The following MYOM1 variants were observed in gnomAD, a reference collection of about 807,000 sequenced individuals.
MYOM1 encodes the protein myomesin 1, also known as myomesin-1.
A neutral mutation model predicts 205.3 loss-of-function variants in MYOM1; 164 were observed. That is an observed-to-expected ratio of 0.80 (90% CI 0.70 to 0.91). MYOM1 has a LOEUF of 0.91. Among genes scored for constraint, MYOM1 ranks in the 40% least tolerant of loss-of-function variants. MYOM1 has a pLI of 0.00. For synonymous variants in MYOM1, 772 were observed against 789.4 expected (o/e 0.98, Z 0.37); for missense variants, 2,011 against 2,127.3 (o/e 0.95, Z 1.08).
At chr18:3,239,981 T>C in the MYOM1 span, among the ~76,000 whole-genome samples, 3 of 152,156 alleles carry the variant, frequency 2.0e-5, no homozygotes, top group Non-Finnish European at 4.4e-5. Context: ...TTGTGCTTTA[T>C]CCTCACAACC....
the MYOM1 span, among the ~76,000 whole-genome samples, chr18:3,236,244 T>C: frequency 6.6e-6 from 1 of 152,228 alleles, no homozygotes; most frequent in South Asian, 2.1e-4. Flanking sequence ...CTATCTGCTA[T>C]GTGGAGAACA....
At chr18:3,231,393 G>T in the MYOM1 span, among the ~76,000 whole-genome samples, 1 of 152,096 alleles carries the variant, frequency 6.6e-6, no homozygotes, top group Non-Finnish European at 1.5e-5. Context: ...CAAAACAAAT[G>T]GGCTTAAAGA....
At chr18:3,233,514 T>C in the MYOM1 span, among the ~76,000 whole-genome samples, 1 of 152,184 alleles carries the variant, frequency 6.6e-6, no homozygotes, top group Non-Finnish European at 1.5e-5. Flanking sequence ...GGCAGGACAC[T>C]GAATAATAGA....
At chr18:3,172,844 G>A (rs2080581406) in intron 8 of MYOM1, among the ~76,000 whole-genome samples, 1 of 152,158 alleles carries the variant, frequency 6.6e-6, no homozygotes, top group Admixed American at 6.5e-5. Context: ...ATCAAGAGAT[G>A]GGAGAAGAAC....
In MYOM1 at chr18:3,113,228, GTA is replaced by G. The variant is rs1331541570; in HGVS notation, c.3304-818_3304-817del. Reference sequence around the variant, plus strand: ...CACATGTATATATATATACACACATGTATATATATATACACACACATCTATGT... The same window carrying G: ...CACATGTATATATATATACACACATGTATATATATACACACACATCTATGT... On this transcript the variant is annotated intron_variant, in intron 21 of 37. Transcript: ENST00000356443. Among the ~76,000 whole-genome samples the G allele has an allele frequency of 2.6e-4, 4 of 15,454 alleles. 1 individual carries two copies. Among genetic ancestry groups the G allele is most frequent in the Non-Finnish European group, 1.8e-4 (1 of 5,502 alleles). The allele number at this position is 15,454 out of a possible 152,430, so 10.1% of individuals were successfully genotyped here.
chr18:3,235,590 T>A, the MYOM1 span, among the ~76,000 whole-genome samples: 4 of 152,238 alleles, frequency 2.6e-5, no homozygotes, highest in Admixed American at 6.5e-5. Flanking sequence ...TTCATTCAAA[T>A]ATGCATCTTT....
chr18:3,154,950 T>C lies in MYOM1; in HGVS notation c.1640A>G (p.Asp547Gly), dbSNP rs1423466134. Reference protein sequence around the residue: ...GGSPILGYFIDKCEVGTDSWS... With the variant: ...GGSPILGYFIGKCEVGTDSWS... ...TGATGTTAGCCTAAGCACTAACTTA[T>C]CAATAAAATATCCGAGAATAGGACT... The change falls in exon 11 of 38, where the codon GAT becomes GGT. Residue 547 changes from aspartate to glycine, a missense_variant. Asp to Gly is a moderately conservative substitution (Grantham distance 94, BLOSUM62 -1). Transcript: ENST00000356443. 6.2e-7 allele frequency: 1 copy of C among 1,610,438 alleles called. No homozygotes were observed. The highest frequency in any genetic ancestry group is 8.5e-7 in the Non-Finnish European group (1 of 1,178,242).
intron 22 of MYOM1, among the ~76,000 whole-genome samples, chr18:3,104,689 C>T (rs1427310117): frequency 6.7e-6 from 1 of 149,128 alleles, no homozygotes; most frequent in Non-Finnish European, 1.5e-5. Flanking sequence ...AATACCAGTT[C>T]TGATGTGACA....
At position 3,085,062 on chromosome 18, in the gene MYOM1, A is replaced by C. The variant is rs1461371274; in HGVS notation, c.4322T>G (p.Leu1441Arg). The C allele has an allele frequency of 6.2e-7, 1 of 1,606,790 alleles. No homozygotes were observed. The highest frequency in any genetic ancestry group is 1.1e-5 in the South Asian group (1 of 89,490). ...KDDRGKDKSR[L>R]KLVDEAFKEL... ...GGACTGACCTTCATCCACAAGCTTC[A>C]GTCTGCTCTTATCTTTTCCTCGGTC... Residue 1441 changes from leucine to arginine, a missense_variant, in exon 31 of 38, where the codon CTG becomes CGG. Physicochemically the swap from Leu to Arg is moderately radical, Grantham distance 102. Coordinates refer to ENST00000356443, the MANE Select transcript of MYOM1 (RefSeq NM_003803.4).
rs1365978198 is a variant in MYOM1, at chr18:3,209,824, G to C, written c.290+5110C>G. Among the ~76,000 whole-genome samples, 2 of 152,118 alleles carry C rather than the reference G, an allele frequency of 1.3e-5. No homozygotes were observed. Among genetic ancestry groups the C allele is most frequent in the African/African-American group, 4.8e-5 (2 of 41,418 alleles). On this transcript the variant is annotated intron_variant, in intron 2 of 37. Transcript: ENST00000356443. The surrounding 1 kb of genome is among the most constrained non-coding windows in gnomAD (Gnocchi z 4.0). ...CCATGTCCCTGATCTCTCTTACCCT[G>C]CTCTGTTTCTTATTGTTTCTATAAC...
Position 3,187,622 on chromosome 18 carries a change from T to C in MYOM1, c.787A>G (p.Thr263Ala). ...TCTTCATTCAGCTTGGCATGATATGTCTCGGTTTCTTCTAACTGAAAAAAC... is the reference window on the plus strand; with the variant it reads ...TCTTCATTCAGCTTGGCATGATATGCCTCGGTTTCTTCTAACTGAAAAAAC... ...SLRKTLEETE[T>A]YHAKLNEDHL... Residue 263 changes from threonine to alanine, a missense_variant, in exon 5 of 38, where the codon ACA becomes GCA. Transcript: ENST00000356443. The C allele has an allele frequency of 6.2e-7, 1 of 1,603,432 alleles. No homozygotes were observed. The highest frequency in any genetic ancestry group is 8.5e-7 in the Non-Finnish European group (1 of 1,172,232).
At chr18:3,238,197 A>G in the MYOM1 span, among the ~76,000 whole-genome samples, 1 of 152,142 alleles carries the variant, frequency 6.6e-6, no homozygotes, top group East Asian at 1.9e-4. Context: ...CAGGCATTAG[A>G]TTCTCAAAAG....
Position 3,152,064 on chromosome 18 carries a change from T to A in MYOM1, c.1644-171A>T, listed in dbSNP as rs1306203756. 2.0e-5 allele frequency among the ~76,000 whole-genome samples: 3 copies of A among 152,198 alleles called. No individual in the cohort carries two copies. Among genetic ancestry groups the A allele is most frequent in the Admixed American group, 2.0e-4 (3 of 15,278 alleles). On this transcript the variant is annotated intron_variant, in intron 11 of 37. Coordinates refer to ENST00000356443, the MANE Select transcript of MYOM1 (RefSeq NM_003803.4). This position sits in a 1 kb window ranked among gnomAD's most constrained non-coding sequence, Gnocchi z 4.3. ...ATGCAGGCACTCCGTTTCACTCAAATGCACTGTGTCTTCTTTACCAAGAGG... is the reference window on the plus strand; with the variant it reads ...ATGCAGGCACTCCGTTTCACTCAAAAGCACTGTGTCTTCTTTACCAAGAGG...
At position 3,173,996 on chromosome 18, in the gene MYOM1, A is replaced by G. The variant is rs377105909; in HGVS notation, c.1116T>C (p.Tyr372=). Residue 372 remains tyrosine (Y), a synonymous_variant, in exon 8 of 38, where the codon TAT becomes TAC. Transcript: ENST00000356443. The part of the protein sequence containing the change: ...SAYASVVVKR[Y]KGEFDETRFH... Reference sequence around the variant, plus strand: ...AGCGAGTCTCATCAAACTCTCCCTTATACCCTAGAGAAGAAAACAGAAACG... The same window carrying G: ...AGCGAGTCTCATCAAACTCTCCCTTGTACCCTAGAGAAGAAAACAGAAACG... 7 of 1,613,168 alleles carry G rather than the reference A, an allele frequency of 4.3e-6. No individual in the cohort carries two copies. The highest frequency in any genetic ancestry group is 5.9e-6 in the Non-Finnish European group (7 of 1,179,374).
intron 13 of MYOM1, among the ~76,000 whole-genome samples, chr18:3,143,637 A>G (rs1259259329): frequency 6.6e-6 from 1 of 152,184 alleles, no homozygotes; most frequent in African/African-American, 2.4e-5. Context: ...ACGATGGCTC[A>G]TGCCTGTAAT....
At chr18:3,081,338 T>C (rs904217978) in intron 33 of MYOM1, among the ~76,000 whole-genome samples, 8 of 152,184 alleles carry the variant, frequency 5.3e-5, no homozygotes, top group Non-Finnish European at 7.4e-5. Context: ...TCTAAGATCA[T>C]AAGGCAAGAT....
chr18:3,189,047 TTTC>T lies in MYOM1; in HGVS notation c.469_471del (p.Glu157del). ...ATATAAGCAGCAGCTTCTTTAATTC[TTTC>T]TTCTTCCGTATCAGTAATTCCACTG... On this transcript the variant is annotated inframe_deletion, in exon 4 of 38. Coordinates refer to ENST00000356443, the MANE Select transcript of MYOM1 (RefSeq NM_003803.4). This position sits in a 1 kb window ranked among gnomAD's most constrained non-coding sequence, Gnocchi z 4.8. 1 of 1,613,524 alleles carries T rather than the reference TTTC, an allele frequency of 6.2e-7. No individual in the cohort carries two copies.
intron 14 of MYOM1, among the ~76,000 whole-genome samples, chr18:3,137,590 C>T (rs1385071274): frequency 6.6e-6 from 1 of 152,060 alleles, no homozygotes; most frequent in East Asian, 1.9e-4. Flanking sequence ...CTCATGTTCT[C>T]ATTCATATAT....
At chr18:3,107,506 T>C (rs771584152) in intron 22 of MYOM1, among the ~76,000 whole-genome samples, 1 of 152,240 alleles carries the variant, frequency 6.6e-6, no homozygotes, top group Non-Finnish European at 1.5e-5. Context: ...TTATTGAGAA[T>C]AGGGTTAAAT....
Sources: allele counts gnomAD v4.1 joint callset (sites outside exome capture counted in the v4.1 genomes callset), GRCh38; gene constraint gnomAD v4.1.1; non-coding constraint Gnocchi (gnomAD v3.1); transcripts MANE v1.5; gene names NCBI Gene and HGNC (gene_info 2026-07-23, HGNC 2026-07-21).